TMEM63A: variants seen among roughly 807,000 people sequenced by gnomAD.
TMEM63A encodes transmembrane protein 63A.
TMEM63A carries 76 observed loss-of-function variants against 100.6 expected under a neutral mutation model. That is an observed-to-expected ratio of 0.76 (90% confidence interval 0.63 to 0.91). The LOEUF (loss-of-function observed/expected upper bound fraction) is 0.91, where lower values mean the gene tolerates loss of function less well. Among genes scored for constraint, TMEM63A ranks in the 40% least tolerant of loss-of-function variants. TMEM63A has a pLI of 0.00. For synonymous variants in TMEM63A, 401 were observed against 401.1 expected, an observed-to-expected ratio of 1.00 and a Z score of 0.00; for missense variants, 876 against 1,008.8, an observed-to-expected ratio of 0.87 and a Z score of 1.78.
chr1:225,867,280 G>A lies in TMEM63A; in HGVS notation c.515-117C>T, dbSNP rs1427511938. On this transcript the variant is annotated intron_variant, in intron 7 of 24. Transcript: ENST00000366835. This position sits in a 1 kb window ranked among gnomAD's most constrained non-coding sequence, Gnocchi z 4.6. ...AGGAGGAGCATGTCTGGACCAGCAGGAAGACAACGTCTGACTGGTCTTTCC... is the reference window on the plus strand; with the variant it reads ...AGGAGGAGCATGTCTGGACCAGCAGAAAGACAACGTCTGACTGGTCTTTCC... 9.6e-7 allele frequency: 1 copy of A among 1,041,748 alleles called. No homozygotes were observed. The highest frequency in any genetic ancestry group is 1.6e-5 in the African/African-American group (1 of 63,826). 64.5% of individuals were successfully genotyped at this position (1,041,748 alleles called of 1,614,324 possible). A position where few individuals can be genotyped will look rare whatever the true frequency, so the allele number is the denominator to read the frequency against.
chr1:225,842,142 G>A (rs1314384076), downstream of TMEM63A, among the ~76,000 whole-genome samples: 2 of 152,238 alleles, frequency 1.3e-5, no homozygotes, highest in East Asian at 3.9e-4. Context: ...CAGGCCCTGG[G>A]AGACAGTGGG....
Position 225,846,950 on chromosome 1 carries a change from A to T in TMEM63A, c.*7-18T>A. ...AGTGAGACCTAAAACAGATGGGAAG[A>T]AGTCATGAACTTGGGAGTCAGGCCG... On this transcript the variant is annotated intron_variant, in intron 24 of 24. Transcript: ENST00000366835. 7.0e-7 allele frequency: 1 copy of T among 1,431,770 alleles called. No homozygotes were observed. Among genetic ancestry groups the T allele is most frequent in the South Asian group, 1.4e-5 (1 of 71,060 alleles). 88.7% of individuals were successfully genotyped at this position (1,431,770 alleles called of 1,614,324 possible). A position where few individuals can be genotyped will look rare whatever the true frequency, so the allele number is the denominator to read the frequency against.
chr1:225,863,003 T>C, intron 10 of TMEM63A, 152 bp from the exon 11 acceptor site: 1 of 699,466 alleles, frequency 1.4e-6, no homozygotes, highest in Non-Finnish European at 2.5e-6. Context: ...CTTTGTCTTT[T>C]ATCCTCCAAA....
At chr1:225,869,036 G>A (rs1179571873) in intron 6 of TMEM63A, among the ~76,000 whole-genome samples, 1 of 152,230 alleles carries the variant, frequency 6.6e-6, no homozygotes, top group Non-Finnish European at 1.5e-5. Context: ...AGTGCTTTGG[G>A]AAGAGCTCAG....
At chr1:225,874,750 G>A (rs546532886) in intron 3 of TMEM63A, among the ~76,000 whole-genome samples, 1 of 152,350 alleles carries the variant, frequency 6.6e-6, no homozygotes, top group Non-Finnish European at 1.5e-5. Flanking sequence ...TCTGGCCCCA[G>A]AGCAGCCCCA....
At chr1:225,869,045 A>AG (rs1370649637) in intron 6 of TMEM63A, among the ~76,000 whole-genome samples, 2 of 152,224 alleles carry the variant, frequency 1.3e-5, no homozygotes, top group Non-Finnish European at 2.9e-5. Context: ...GGAAGAGCTC[A>AG]GGGGGGCAAG....
rs1036315162 is a variant in TMEM63A at position 225,862,019 on chromosome 1, C to A, written c.1085+199G>T. 3.6e-6 allele frequency: 3 copies of A among 824,572 alleles called. No individual in the cohort carries two copies. The highest frequency in any genetic ancestry group is 3.7e-6 in the Non-Finnish European group (2 of 541,278). 51.1% of individuals were successfully genotyped at this position (824,572 alleles called of 1,614,324 possible). A position where few individuals can be genotyped will look rare whatever the true frequency, so the allele number is the denominator to read the frequency against. On this transcript the variant is annotated intron_variant, in intron 13 of 24. Coordinates refer to ENST00000366835, the MANE Select transcript of TMEM63A (RefSeq NM_014698.3). This position sits in a 1 kb window ranked among gnomAD's most constrained non-coding sequence, Gnocchi z 5.1. ...ACCCACTCCGTGGCTGCTGCCCACA[C>A]CCCCACCGCCTGTTACACAAACATG...
In TMEM63A at chr1:225,859,926, T is replaced by G. The variant is rs1294602164; in HGVS notation, c.1224-577A>C. 5.1e-5 allele frequency: 8 copies of G among 157,724 alleles called. 1 individual carries two copies. Among genetic ancestry groups the G allele is most frequent in the Admixed American group, 4.7e-4 (8 of 16,854 alleles). 9.8% of individuals were successfully genotyped at this position (157,724 alleles called of 1,614,324 possible). ...CCTCTCGAAGTGCTGGGATTACAGG[T>G]GTGAGCACCACGCCCGGCCCCAGCG... On this transcript the variant is annotated intron_variant, in intron 14 of 24. Transcript: ENST00000366835.
Position 225,853,478 on chromosome 1 carries a change from T to G in TMEM63A, c.1797+151A>C, listed in dbSNP as rs751791517. The G allele has an allele frequency of 5.8e-5, 44 of 752,898 alleles. No homozygotes were observed. Among genetic ancestry groups the G allele is most frequent in the Non-Finnish European group, 7.3e-5 (37 of 507,100 alleles). The allele number at this position is 752,898 out of a possible 1,614,324, so 46.6% of individuals were successfully genotyped here. On this transcript the variant is annotated intron_variant, in intron 19 of 24. Transcript: ENST00000366835. The surrounding 1 kb of genome is among the most constrained non-coding windows in gnomAD (Gnocchi z 4.0). ...AGGCCACGCCTGCCTGGACCCGGGTTTGAGAAGCACTTAGCCCAGTGCCTG... is the reference window on the plus strand; with the variant it reads ...AGGCCACGCCTGCCTGGACCCGGGTGTGAGAAGCACTTAGCCCAGTGCCTG...
intron 1 of TMEM63A, among the ~76,000 whole-genome samples, chr1:225,881,600 G>A (rs1388854860): frequency 6.6e-6 from 1 of 152,174 alleles, no homozygotes; most frequent in Admixed American, 6.5e-5. Flanking sequence ...CAGCAGACTT[G>A]AGGATGACCT....
At chr1:225,851,771 C>T (rs1669352924) in intron 20 of TMEM63A, among the ~76,000 whole-genome samples, 1 of 152,222 alleles carries the variant, frequency 6.6e-6, no homozygotes, top group South Asian at 2.1e-4. Flanking sequence ...AACAACTTTT[C>T]CCCCTAAAAC....
chr1:225,856,079 G>A, intron 17 of TMEM63A, 139 bp from the exon 18 acceptor site: 1 of 813,246 alleles, frequency 1.2e-6, no homozygotes, highest in Non-Finnish European at 2.0e-6. Context: ...ACTTACTACG[G>A]CATGACCTGT....
downstream of TMEM63A, chr1:225,845,355 CT>C: frequency 1.3e-6 from 2 of 1,589,834 alleles, no homozygotes; most frequent in Non-Finnish European, 8.5e-7. Flanking sequence ...TGACCCACCC[CT>C]CTCCCCCCGC....
chr1:225,866,487 G>A (rs973626073), intron 9 of TMEM63A, 87 bp downstream of exon 9: 2 of 1,207,772 alleles, frequency 1.7e-6, no homozygotes, highest in African/African-American at 1.5e-5. Context: ...TGCAGTCAGG[G>A]CCTGTGGCAG....
chr1:225,866,402 T>G, intron 9 of TMEM63A, 172 bp downstream of exon 9: 1 of 601,530 alleles, frequency 1.7e-6, no homozygotes, highest in Non-Finnish European at 2.9e-6. Context: ...ACCAGGAAAC[T>G]GTTTTTTTTA....
intron 15 of TMEM63A, 147 bp from the exon 16 acceptor site, chr1:225,857,164 C>T: frequency 1.6e-6 from 1 of 610,012 alleles, no homozygotes; most frequent in Non-Finnish European, 2.7e-6. Context: ...GTGCCAGGTA[C>T]AGAGTTGGTA....
At chr1:225,847,992 A>T (rs1488833648) in intron 23 of TMEM63A, among the ~76,000 whole-genome samples, 1 of 152,292 alleles carries the variant, frequency 6.6e-6, no homozygotes, top group East Asian at 1.9e-4. Context: ...GGCTGTGTGC[A>T]GAGAGAACTA....
chr1:225,865,945 G>A lies in TMEM63A; in HGVS notation c.698C>T (p.Thr233Ile). Reference protein sequence around the residue: ...ENLVRRTLFITGLPRDARKET... With the variant: ...ENLVRRTLFIIGLPRDARKET... ...CTTCCTGGCATCTCTGGGGAGTCCT[G>A]TGATGAACAGGGTCCGCCTCACCTG... is the stretch of plus-strand genomic sequence containing the variant. The change falls in exon 10 of 25, where the codon ACA becomes ATA. Residue 233 changes from threonine (T) to isoleucine (I), a missense_variant. Physicochemically the swap from Thr to Ile is moderately conservative, Grantham distance 89 (BLOSUM62 -1). Transcript: ENST00000366835. The surrounding 1 kb of genome is among the most constrained non-coding windows in gnomAD (Gnocchi z 4.6). 6.2e-7 allele frequency: 1 copy of A among 1,614,082 alleles called. No individual in the cohort carries two copies. The highest frequency in any genetic ancestry group is 8.5e-7 in the Non-Finnish European group (1 of 1,179,954).
chr1:225,877,769 C>T (rs1293896319), intron 2 of TMEM63A, 175 bp from the exon 3 acceptor site: 6 of 583,702 alleles, frequency 1.0e-5, no homozygotes, highest in Non-Finnish European at 1.8e-5. Flanking sequence ...CTGGCAGTGT[C>T]CACAGAGAAT....
Sources: allele counts gnomAD v4.1 joint callset (sites outside exome capture counted in the v4.1 genomes callset), GRCh38; gene constraint gnomAD v4.1.1; non-coding constraint Gnocchi (gnomAD v3.1); transcripts MANE v1.5; gene names NCBI Gene and HGNC (gene_info 2026-07-23, HGNC 2026-07-21).